The following TMEM108 variants were observed in gnomAD, a reference collection of about 807,000 sequenced individuals.
The protein encoded by TMEM108 is cancer/testis antigen 124.
TMEM108 carries 12 observed loss-of-function variants against 35.1 expected under a neutral mutation model. The ratio of observed to expected loss-of-function variants is 0.34; its 90% CI spans 0.22 to 0.55. The LOEUF (loss-of-function observed/expected upper bound fraction) is 0.55, where lower values mean the gene tolerates loss of function less well. TMEM108 is among the 20% of genes least tolerant of loss of function. The pLI is 0.89. For missense variants in TMEM108, 680 were observed against 753.3 expected (o/e 0.90, Z 1.14); for synonymous variants, 287 against 308.6 (o/e 0.93, Z 0.73).
intron 2 of TMEM108, among the ~76,000 whole-genome samples, chr3:133,101,294 A>T (rs571445676): frequency 2.6e-5 from 4 of 152,220 alleles, no homozygotes; most frequent in Non-Finnish European, 4.4e-5. Context: ...GTTTTACTCT[A>T]CAAATGATGT....
chr3:133,193,603 A>C (rs946652479), intron 2 of TMEM108, among the ~76,000 whole-genome samples: 3 of 151,890 alleles, frequency 2.0e-5, no homozygotes, highest in South Asian at 4.1e-4. Context: ...ATGTGAAGCC[A>C]TCAGTGAAAC....
At chr3:133,253,811 C>G (rs1387919708) in intron 3 of TMEM108, among the ~76,000 whole-genome samples, 1 of 152,128 alleles carries the variant, frequency 6.6e-6, no homozygotes, top group Admixed American at 6.5e-5. Context: ...AAAATGTGTT[C>G]TGAGCATCTC....
intron 2 of TMEM108, among the ~76,000 whole-genome samples, chr3:133,070,971 T>C (rs1292035023): frequency 1.3e-5 from 2 of 152,114 alleles, no homozygotes; most frequent in African/African-American, 2.4e-5. Context: ...AGCTTACTAA[T>C]GCAGCTCTGA....
At chr3:133,329,936 A>ATCT (rs937728806) in intron 3 of TMEM108, among the ~76,000 whole-genome samples, 1 of 152,166 alleles carries the variant, frequency 6.6e-6, no homozygotes, top group Admixed American at 6.5e-5. Context: ...TGCATCAAGA[A>ATCT]TCTTGGTGCT....
At chr3:133,194,763 C>T (rs1945553051) in intron 2 of TMEM108, among the ~76,000 whole-genome samples, 2 of 152,146 alleles carry the variant, frequency 1.3e-5, no homozygotes, top group South Asian at 4.1e-4. Flanking sequence ...TAAATGCAAT[C>T]TCATGAAATT....
At position 133,239,526 on chromosome 3, in the gene TMEM108, G is replaced by A. The variant is rs377600318; in HGVS notation, c.40+10175G>A. Among the ~76,000 whole-genome samples, 19 of 152,248 alleles carry A rather than the reference G, an allele frequency of 1.2e-4. 1 individual carries two copies. The highest frequency in any genetic ancestry group is 3.4e-3 in the Middle Eastern group (1 of 294). On this transcript the variant is annotated intron_variant, in intron 3 of 5. Transcript: ENST00000321871. ...CTGGGGCATCCAGTGATTCTGATGC[G>A]CAACCAGGGCTGGGGTCACTAGCTT...
intron 3 of TMEM108, among the ~76,000 whole-genome samples, chr3:133,307,724 G>A (rs573720114): frequency 1.6e-4 from 25 of 152,178 alleles, no homozygotes; most frequent in African/African-American, 5.8e-4. Context: ...CTGTTCCATC[G>A]GTCTGTATAT....
In TMEM108 at chr3:133,380,876, C is replaced by A. The variant is rs1559942142; in HGVS notation, c.1165C>A (p.Pro389Thr). The change falls in exon 4 of 6, where the codon CCC becomes ACC. Residue 389 changes from proline (P) to threonine (T), a missense_variant. Coordinates refer to ENST00000321871, the MANE Select transcript of TMEM108 (RefSeq NM_023943.4). This position sits in a 1 kb window ranked among gnomAD's most constrained non-coding sequence, Gnocchi z 5.3. ...CACAACCCCACAAGCTCCAACCCAT[C>A]CCTCCAGGGTCTCAGAAAGCACTAT... ...ASTTPQAPTHPSRVSESTISG... is the reference protein window; with the variant it reads ...ASTTPQAPTHTSRVSESTISG... The A allele has an allele frequency of 1.2e-6, 2 of 1,614,204 alleles. No homozygotes were observed. Among genetic ancestry groups the A allele is most frequent in the Non-Finnish European group, 8.5e-7 (1 of 1,180,026 alleles).
Position 133,265,708 on chromosome 3 carries a change from A to C in TMEM108, c.40+36357A>C, listed in dbSNP as rs377429390. Among the ~76,000 whole-genome samples the C allele has an allele frequency of 8.9e-4, 135 of 152,266 alleles. 1 individual carries two copies. The highest frequency in any genetic ancestry group is 2.8e-3 in the Admixed American group (43 of 15,292). ...AATGAGATCATTGAAAATAAATGGA[A>C]TATGCATGCTTTTTCCCCTCCAGAT... On this transcript the variant is annotated intron_variant, in intron 3 of 5. Transcript: ENST00000321871.
At chr3:133,245,854 T>A (rs143547644) in intron 3 of TMEM108, among the ~76,000 whole-genome samples, 77 of 152,254 alleles carry the variant, frequency 5.1e-4, no homozygotes, top group African/African-American at 1.7e-3. Context: ...TGAAAAGAAA[T>A]AGGCAAAAGC....
chr3:133,208,140 T>A (rs1369224687), intron 2 of TMEM108, among the ~76,000 whole-genome samples: 2 of 152,190 alleles, frequency 1.3e-5, no homozygotes, highest in African/African-American at 4.8e-5. Flanking sequence ...GTATACATCC[T>A]GGAGAGCTTG....
chr3:133,337,110 C>G (rs1053613494), intron 3 of TMEM108, among the ~76,000 whole-genome samples: 2 of 152,160 alleles, frequency 1.3e-5, no homozygotes, highest in African/African-American at 2.4e-5. Flanking sequence ...TCTGGACCCA[C>G]CTGGGGCCTG....
chr3:133,347,110 G>T (rs561763998), intron 3 of TMEM108, among the ~76,000 whole-genome samples: 2 of 152,130 alleles, frequency 1.3e-5, no homozygotes, highest in African/African-American at 4.8e-5. Context: ...TATTGCATTG[G>T]CTATTGGTCT....
At chr3:133,319,363 C>G (rs1416153812) in intron 3 of TMEM108, among the ~76,000 whole-genome samples, 1 of 152,212 alleles carries the variant, frequency 6.6e-6, no homozygotes, top group African/African-American at 2.4e-5. Context: ...AAGCTTATAT[C>G]CCACTTCTGT....
At chr3:133,200,290 A>C (rs988838405) in intron 2 of TMEM108, among the ~76,000 whole-genome samples, 2 of 152,158 alleles carry the variant, frequency 1.3e-5, no homozygotes, top group African/African-American at 2.4e-5. Context: ...CCACCGTCCA[A>C]CAAGCCCCAG....
At chr3:133,377,124 T>A (rs1708385) in intron 3 of TMEM108, among the ~76,000 whole-genome samples, 76,362 of 151,984 alleles carry the variant, frequency 0.5, 19,609 homozygotes, top group African/African-American at 0.63. Flanking sequence ...GGCCCACTCT[T>A]TTGGCCTCAT....
chr3:133,377,548 A>G (rs559020514), intron 3 of TMEM108, among the ~76,000 whole-genome samples: 10 of 152,354 alleles, frequency 6.6e-5, no homozygotes, highest in African/African-American at 2.2e-4. Context: ...GACTTTCCAC[A>G]TGTTGCCTAA....
intron 3 of TMEM108, among the ~76,000 whole-genome samples, chr3:133,260,648 A>C (rs1452900528): frequency 1.0e-4 from 1 of 9,952 alleles, no homozygotes; most frequent in East Asian, 0.071. Context: ...CTTAAGTGTA[A>C]TGAGGAGCCC....
At chr3:133,062,555 T>G (rs1943548711) in intron 2 of TMEM108, among the ~76,000 whole-genome samples, 2 of 152,258 alleles carry the variant, frequency 1.3e-5, no homozygotes, top group African/African-American at 4.8e-5. Context: ...GGAAACATTC[T>G]AACCCAGGAC....
Sources: gnomAD v4.1 joint callset for allele counts (sites outside exome capture counted in the v4.1 genomes callset) on GRCh38, gnomAD v4.1.1 for gene constraint, Gnocchi (gnomAD v3.1) non-coding constraint, MANE v1.5 for transcripts, NCBI Gene and HGNC (gene_info 2026-07-23, HGNC 2026-07-21) for gene names.